The following GCNT2 variants were observed in gnomAD, a reference collection of about 807,000 sequenced individuals.
GCNT2 encodes glucosaminyl (N-acetyl) transferase 2 (I blood group), also known as N-acetyllactosaminide beta-1,6-N-acetylglucosaminyl-transferase.
GCNT2 carries 34 observed loss-of-function variants against 34.2 expected under a neutral mutation model. The observed-to-expected ratio is 1.00, with a 90% confidence interval of 0.76 to 1.32. The LOEUF (loss-of-function observed/expected upper bound fraction) is 1.32. Ranked by LOEUF, GCNT2 falls within the 40% of genes most tolerant of loss-of-function variation. GCNT2 has a pLI of 0.00. For missense variants in GCNT2, 584 were observed against 489.4 expected, an observed-to-expected ratio of 1.19 and a Z score of -1.82; for synonymous variants, 212 against 188.0, an observed-to-expected ratio of 1.13 and a Z score of -1.04.
chr6:10,543,576 G>A (rs1762132674), intron 3 of GCNT2, among the ~76,000 whole-genome samples: 1 of 152,138 alleles, frequency 6.6e-6, no homozygotes, highest in Admixed American at 6.5e-5. Flanking sequence ...CCCACCATCA[G>A]TGTATGAGGG....
At chr6:10,536,665 T>G (rs1219345350) in intron 3 of GCNT2, among the ~76,000 whole-genome samples, 1 of 151,166 alleles carries the variant, frequency 6.6e-6, no homozygotes, top group South Asian at 2.1e-4. Flanking sequence ...CTTGTCAACT[T>G]CTAGAAAAGG....
intron 3 of GCNT2, among the ~76,000 whole-genome samples, chr6:10,607,435 G>A (rs6923378): frequency 0.12 from 18,610 of 152,050 alleles, 1,755 homozygotes; most frequent in African/African-American, 0.26. Context: ...ACGAGACAGC[G>A]CTAGGAGGAC....
At chr6:10,606,756 C>T (rs1272682636) in intron 3 of GCNT2, among the ~76,000 whole-genome samples, 2 of 151,018 alleles carry the variant, frequency 1.3e-5, no homozygotes, top group Non-Finnish European at 2.9e-5. Context: ...ATGCAGAAAA[C>T]GATAAAGACT....
At chr6:10,530,061 G>A in intron 3 of GCNT2, 1 of 514,354 alleles carries the variant, frequency 1.9e-6, no homozygotes, top group Non-Finnish European at 3.5e-6. Flanking sequence ...AGGAACACTG[G>A]CCATATAAAT....
chr6:10,583,889 A>C (rs1235773953), intron 3 of GCNT2, among the ~76,000 whole-genome samples: 1 of 152,168 alleles, frequency 6.6e-6, no homozygotes, highest in African/African-American at 2.4e-5. Flanking sequence ...CTCTCTGGGA[A>C]CACTATCACA....
In GCNT2 at chr6:10,528,765, C is replaced by T. The variant is rs1049211912; in HGVS notation, c.-147C>T. On this transcript the variant is annotated 5_prime_UTR_variant, in exon 3 of 5. Coordinates refer to ENST00000495262, the MANE Select transcript of GCNT2 (RefSeq NM_145649.5). ...AAGAAGAAAGAAAAAGGACCAGAAC[C>T]GTGAACTGAAGGGACAGGGAACAGC... 4.2e-6 allele frequency: 3 copies of T among 716,884 alleles called. No individual in the cohort carries two copies. Among genetic ancestry groups the T allele is most frequent in the Middle Eastern group, 3.8e-4 (1 of 2,654 alleles). The allele number at this position is 716,884 out of a possible 1,614,324, so 44.4% of individuals were successfully genotyped here.
At chr6:10,563,957 C>A (rs1404255280) in intron 3 of GCNT2, among the ~76,000 whole-genome samples, 1 of 151,702 alleles carries the variant, frequency 6.6e-6, no homozygotes, top group East Asian at 1.9e-4. Flanking sequence ...GCAATTACTG[C>A]GAATATTCTG....
At chr6:10,535,318 A>G (rs1490948489) in intron 3 of GCNT2, among the ~76,000 whole-genome samples, 1 of 152,196 alleles carries the variant, frequency 6.6e-6, no homozygotes, top group African/African-American at 2.4e-5. Flanking sequence ...GGGGGTTCAC[A>G]TATGGCTTTA....
chr6:10,562,657 A>G lies in GCNT2; in HGVS notation c.925+32821A>G, dbSNP rs796534104. Among the ~76,000 whole-genome samples the G allele has an allele frequency of 1.1e-3, 58 of 51,762 alleles. 1 individual carries two copies. The South Asian group carries it at 0.023, about 21-fold the overall frequency. 34.0% of individuals were successfully genotyped at this position (51,762 alleles called of 152,430 possible). ...ACTTGACAGAGTCAGAACTTCTCTG[A>G]AAAAAAAAAAAAAAAAAAAACAAAA... is the stretch of plus-strand genomic sequence containing the variant. On this transcript the variant is annotated intron_variant, in intron 3 of 4. Coordinates refer to ENST00000495262, the MANE Select transcript of GCNT2 (RefSeq NM_145649.5).
chr6:10,556,317 G>C (rs1762699294), intron 3 of GCNT2: 5 of 1,577,406 alleles, frequency 3.2e-6, no homozygotes, highest in African/African-American at 2.7e-5. Flanking sequence ...AACAGGGCAG[G>C]AGTGAGTGGA....
At chr6:10,577,053 G>A (rs183192964) in intron 3 of GCNT2, among the ~76,000 whole-genome samples, 4 of 152,314 alleles carry the variant, frequency 2.6e-5, no homozygotes, top group African/African-American at 7.2e-5. Context: ...ACTCCAGCCT[G>A]GGTGATAGAG....
At chr6:10,526,297 C>T (rs1761181227) in intron 1 of GCNT2, among the ~76,000 whole-genome samples, 1 of 152,148 alleles carries the variant, frequency 6.6e-6, no homozygotes, top group Non-Finnish European at 1.5e-5. Context: ...ATTCCAGAAG[C>T]AACTGAGAAC....
intron 3 of GCNT2, among the ~76,000 whole-genome samples, chr6:10,610,397 A>G (rs958793089): frequency 1.3e-5 from 2 of 152,230 alleles, no homozygotes; most frequent in East Asian, 1.9e-4. Context: ...AAAATCTGCT[A>G]TAATTAGAAG....
intron 3 of GCNT2, among the ~76,000 whole-genome samples, chr6:10,567,003 C>T (rs1763311598): frequency 6.6e-6 from 1 of 152,140 alleles, no homozygotes; most frequent in Admixed American, 6.5e-5. Context: ...TCATCTAGTG[C>T]TCATTAGAAG....
intron 3 of GCNT2, among the ~76,000 whole-genome samples, chr6:10,582,339 ATAATATATAGTAAT>A (rs1764132887): frequency 1.0e-5 from 1 of 95,468 alleles, no homozygotes; most frequent in African/African-American, 6.2e-5. Flanking sequence ...TATATACTAT[ATAATATATAGTAAT>A]ATTAAATATA....
chr6:10,585,782 C>A (rs149927029), intron 3 of GCNT2: 3 of 1,430,876 alleles, frequency 2.1e-6, no homozygotes, highest in Admixed American at 2.9e-5. Context: ...GAGAGAGGGA[C>A]GCACCGCATC....
intron 3 of GCNT2, among the ~76,000 whole-genome samples, chr6:10,595,714 A>G (rs1185106972): frequency 6.6e-6 from 1 of 152,178 alleles, no homozygotes; most frequent in African/African-American, 2.4e-5. Flanking sequence ...CAATTATTCT[A>G]TGTAGGTTTT....
At chr6:10,610,168 A>G (rs769863071) in intron 3 of GCNT2, among the ~76,000 whole-genome samples, 2 of 152,222 alleles carry the variant, frequency 1.3e-5, no homozygotes, top group African/African-American at 2.4e-5. Context: ...GCTATTATCA[A>G]CCAGCTTGGA....
chr6:10,596,387 G>A (rs6456564), intron 3 of GCNT2, among the ~76,000 whole-genome samples: 90,008 of 151,476 alleles, frequency 0.59, 27,651 homozygotes, highest in African/African-American at 0.75. Context: ...CAGGCGTGGT[G>A]GTGCATGCCT....
Sources: allele counts gnomAD v4.1 joint callset (sites outside exome capture counted in the v4.1 genomes callset), GRCh38; gene constraint gnomAD v4.1.1; transcripts MANE v1.5; gene names NCBI Gene and HGNC (gene_info 2026-07-23, HGNC 2026-07-21).